The following TAF1B variants were observed in gnomAD, a reference collection of about 807,000 sequenced individuals.
TAF1B encodes TATA-box binding protein associated factor, RNA polymerase I subunit B, also known as TATA box-binding protein-associated factor RNA polymerase I subunit B.
Under a neutral mutation model 83.9 loss-of-function variants are expected in TAF1B, and 61 were observed. The ratio of observed to expected loss-of-function variants is 0.73; its 90% confidence interval spans 0.59 to 0.90. TAF1B has a LOEUF of 0.90. TAF1B is among the 40% of genes least tolerant of loss of function. The pLI, the probability that TAF1B is intolerant of heterozygous loss-of-function variation, is 0.00. For synonymous variants in TAF1B, 221 were observed against 224.6 expected, an observed-to-expected ratio of 0.98 and a Z score of 0.14; for missense variants, 625 against 677.0, an observed-to-expected ratio of 0.92 and a Z score of 0.85.
chr2:9,925,726 G>A (rs949086992), intron 14 of TAF1B, among the ~76,000 whole-genome samples: 1 of 151,834 alleles, frequency 6.6e-6, no homozygotes, highest in African/African-American at 2.4e-5. Flanking sequence ...ACAGACATGC[G>A]CTACCACCCC....
chr2:9,888,460 G>A (rs530369284), intron 8 of TAF1B, among the ~76,000 whole-genome samples: 1 of 151,952 alleles, frequency 6.6e-6, no homozygotes, highest in South Asian at 2.1e-4. Flanking sequence ...AACATTTCTT[G>A]TAGTACAGTT....
chr2:9,878,575 C>T (rs1664394785), intron 7 of TAF1B, among the ~76,000 whole-genome samples: 1 of 152,170 alleles, frequency 6.6e-6, no homozygotes, highest in Non-Finnish European at 1.5e-5. Context: ...AAATTCATTA[C>T]CCTGCAAATA....
At chr2:9,880,151 T>C (rs1664454413) in intron 7 of TAF1B, among the ~76,000 whole-genome samples, 1 of 152,232 alleles carries the variant, frequency 6.6e-6, no homozygotes, top group South Asian at 2.1e-4. Flanking sequence ...TAGACACGAC[T>C]TAATTCTAAT....
rs762746012 is a variant in TAF1B at position 9,875,968 on chromosome 2, T to C, written c.657T>C (p.Tyr219=). ...TGCCACAGACACTTGCCTTCTGTTA[T>C]CTGTCCTTACTTTGGCAGAGAGAAG... ...MTMPQTLAFC[Y]LSLLWQREAI... The change falls in exon 7 of 15, where the codon TAT becomes TAC. Residue 219 remains tyrosine (Y), a synonymous_variant. Coordinates refer to ENST00000263663, the MANE Select transcript of TAF1B (RefSeq NM_005680.3). 2 of 1,613,634 alleles carry C rather than the reference T, an allele frequency of 1.2e-6. No homozygotes were observed. Among genetic ancestry groups the C allele is most frequent in the Non-Finnish European group, 1.7e-6 (2 of 1,179,624 alleles).
chr2:9,866,397 C>T (rs1461314717), intron 5 of TAF1B, among the ~76,000 whole-genome samples: 1 of 151,454 alleles, frequency 6.6e-6, no homozygotes, highest in Admixed American at 6.6e-5. Flanking sequence ...TACCATCTCA[C>T]GCCAGTTAGA....
At chr2:9,899,648 C>T (rs1319808575) in intron 8 of TAF1B, among the ~76,000 whole-genome samples, 1 of 141,856 alleles carries the variant, frequency 7.0e-6, no homozygotes, top group African/African-American at 2.7e-5. Context: ...TTTAGACAAC[C>T]ACAATATATT....
At chr2:9,911,026 T>C in intron 10 of TAF1B, 113 bp downstream of exon 10, 1 of 972,760 alleles carries the variant, frequency 1.0e-6, no homozygotes. Flanking sequence ...AAGAAAAAAT[T>C]TGTACTGTAT....
chr2:9,850,729 C>T (rs1663358335), intron 3 of TAF1B, among the ~76,000 whole-genome samples: 1 of 152,194 alleles, frequency 6.6e-6, no homozygotes, highest in Non-Finnish European at 1.5e-5. Flanking sequence ...AGGGGCAAAA[C>T]ATAAGGGTCT....
At chr2:9,879,650 G>A (rs974891525) in intron 7 of TAF1B, among the ~76,000 whole-genome samples, 1 of 152,194 alleles carries the variant, frequency 6.6e-6, no homozygotes, top group Admixed American at 6.5e-5. Context: ...AGGAGCAGAG[G>A]AGAGTTCGTG....
intron 5 of TAF1B, among the ~76,000 whole-genome samples, chr2:9,862,574 A>G (rs1663810678): frequency 1.3e-5 from 2 of 152,150 alleles, no homozygotes; most frequent in South Asian, 4.1e-4. Flanking sequence ...CCAACATTCA[A>G]ATTCAGAAAA....
At chr2:9,917,966 G>C (rs911600947) in intron 12 of TAF1B, among the ~76,000 whole-genome samples, 2 of 151,646 alleles carry the variant, frequency 1.3e-5, no homozygotes, top group South Asian at 2.1e-4. Flanking sequence ...CAGCTACTTG[G>C]GAGGCTGAGG....
chr2:9,897,990 G>A (rs1249148013), intron 8 of TAF1B, among the ~76,000 whole-genome samples: 4 of 49,454 alleles, frequency 8.1e-5, no homozygotes, highest in African/African-American at 2.3e-4. Context: ...CCCCCACCCC[G>A]CCCCCAGCTA....
intron 8 of TAF1B, among the ~76,000 whole-genome samples, chr2:9,883,919 A>T (rs1021875064): frequency 6.6e-6 from 1 of 152,204 alleles, no homozygotes. Flanking sequence ...TTCTGGCTGG[A>T]AAACCTTTGT....
intron 8 of TAF1B, 56 bp downstream of exon 8, chr2:9,882,861 A>G (rs1236366156): frequency 8.1e-7 from 1 of 1,235,434 alleles, no homozygotes; most frequent in African/African-American, 1.5e-5. Flanking sequence ...GAGTGGTATG[A>G]TAATTTCTAT....
At position 9,904,892 on chromosome 2, in the gene TAF1B, AC is replaced by A. The variant is rs1558259964; in HGVS notation, c.842del (p.Thr281LysfsTer2). The A allele has an allele frequency of 1.9e-6, 3 of 1,611,196 alleles. No homozygotes were observed. Among genetic ancestry groups the A allele is most frequent in the Admixed American group, 3.3e-5 (2 of 60,026 alleles). The part of the protein sequence containing the change: ...WPDYEDIYKK[T>X]VEVGTFLDLP... The stretch of plus-strand genomic sequence containing the variant: ...TGACTACGAGGACATCTACAAAAAA[AC>A]AGTAGAAGTTGGAACATTTTTAGAT... On this transcript the variant is annotated frameshift_variant, in exon 9 of 15. Coordinates refer to ENST00000263663, the MANE Select transcript of TAF1B (RefSeq NM_005680.3). LOFTEE classifies it high-confidence loss of function.
chr2:9,879,364 T>A (rs1473216127), intron 7 of TAF1B, among the ~76,000 whole-genome samples: 1 of 152,102 alleles, frequency 6.6e-6, no homozygotes, highest in Non-Finnish European at 1.5e-5. Context: ...CATGGCTGGG[T>A]GGCGCTACAG....
intron 14 of TAF1B, among the ~76,000 whole-genome samples, chr2:9,930,087 C>T (rs1414400230): frequency 1.3e-5 from 2 of 152,032 alleles, no homozygotes; most frequent in African/African-American, 4.8e-5. Context: ...ATTAGTCTTG[C>T]TAGCGGTCTA....
chr2:9,861,847 G>C (rs1182439780), intron 5 of TAF1B, among the ~76,000 whole-genome samples: 3 of 152,180 alleles, frequency 2.0e-5, no homozygotes, highest in African/African-American at 7.2e-5. Context: ...GTCTGGAGTG[G>C]ACCTCCAGCA....
At chr2:9,876,703 T>G (rs1372382743) in intron 7 of TAF1B, among the ~76,000 whole-genome samples, 1 of 152,216 alleles carries the variant, frequency 6.6e-6, no homozygotes, top group Non-Finnish European at 1.5e-5. Flanking sequence ...GGAACCAAAC[T>G]GCTGGGTTTG....
Sources: allele counts gnomAD v4.1 joint callset (sites outside exome capture counted in the v4.1 genomes callset), GRCh38; gene constraint gnomAD v4.1.1; transcripts MANE v1.5; gene names NCBI Gene and HGNC (gene_info 2026-07-23, HGNC 2026-07-21).